Variants in ZNF621 observed in about 807,000 individuals in gnomAD.
ZNF621 encodes the protein zinc finger protein 621.
In ZNF621, 6 loss-of-function variants were observed where a neutral mutation model predicts 12.7. That is an observed-to-expected ratio of 0.47 (90% CI 0.26 to 0.93). The LOEUF is 0.93. ZNF621 is among the 40% of genes least tolerant of loss of function. The pLI, the probability that ZNF621 is intolerant of heterozygous loss-of-function variation, is 0.15. For synonymous variants in ZNF621, 156 were observed against 190.3 expected, an observed-to-expected ratio of 0.82 and a Z score of 1.48; for missense variants, 474 against 524.0, an observed-to-expected ratio of 0.90 and a Z score of 0.93.
In ZNF621 at chr3:40,537,923, C is replaced by T. The variant is rs1698907063; in HGVS notation, c.*4833C>T. 6.6e-6 allele frequency among the ~76,000 whole-genome samples: 1 copy of T among 152,218 alleles called. No homozygotes were observed. Among genetic ancestry groups the T allele is most frequent in the African/African-American group, 2.4e-5 (1 of 41,452 alleles). On this transcript the variant is annotated 3_prime_UTR_variant, in exon 5 of 5. Transcript: ENST00000339296. ...TTTTCAGTGTATTCCAAACAGCCTTCTTTTGGAAGAAGAAACCATCTAGGA... is the reference window on the plus strand; with the variant it reads ...TTTTCAGTGTATTCCAAACAGCCTTTTTTTGGAAGAAGAAACCATCTAGGA...
chr3:40,524,269 G>A (rs1469955545), upstream of ZNF621, among the ~76,000 whole-genome samples: 1 of 152,146 alleles, frequency 6.6e-6, no homozygotes, highest in Non-Finnish European at 1.5e-5. Flanking sequence ...TTACTGAGCA[G>A]AAAAATAGCT....
At position 40,529,433 on chromosome 3, in the gene ZNF621, G is replaced by A. The variant is rs753307486; in HGVS notation, c.139G>A (p.Val47Met). Reference sequence around the variant, plus strand: ...GGTGATGCTGGAGAATTATGCAAATGTGGCTTCTCTGGGTAAGGCCTCCCT... The same window carrying A: ...GGTGATGCTGGAGAATTATGCAAATATGGCTTCTCTGGGTAAGGCCTCCCT... ...GEVMLENYAN[V>M]ASLVAFPFPK... Residue 47 changes from valine to methionine, a missense_variant, in exon 3 of 5, where the codon GTG (valine) becomes ATG (methionine). By Grantham distance (21) the Val-to-Met change is conservative (BLOSUM62 1). Transcript: ENST00000339296. The A allele has an allele frequency of 1.9e-6, 3 of 1,613,262 alleles. No individual in the cohort carries two copies. The highest frequency in any genetic ancestry group is 1.7e-5 in the Admixed American group (1 of 60,002).
Position 40,525,805 on chromosome 3 carries a change from C to T in ZNF621, c.-36C>T. The T allele has an allele frequency of 6.2e-7, 1 of 1,614,138 alleles. No homozygotes were observed. On this transcript the variant is annotated 5_prime_UTR_variant, in exon 2 of 5. Coordinates refer to ENST00000339296, the MANE Select transcript of ZNF621 (RefSeq NM_198484.5). ...TCTTGAGGATCTTGCTTGTCCAAAC[C>T]CAGAAGACAGTGCATGAAGCCAGGG... is the stretch of plus-strand genomic sequence containing the variant.
chr3:40,530,926 A>G lies in ZNF621; in HGVS notation c.259+610A>G, dbSNP rs567485935. On this transcript the variant is annotated intron_variant, in intron 4 of 4. Coordinates refer to ENST00000339296, the MANE Select transcript of ZNF621 (RefSeq NM_198484.5). ...CACATGCACACACGCACATGTGCAC[A>G]CACACACCACCTAAAATTTCCCTGA... Among the ~76,000 whole-genome samples the G allele has an allele frequency of 1.3e-3, 191 of 152,278 alleles. 1 individual carries two copies. Among genetic ancestry groups the G allele is most frequent in the African/African-American group, 4.4e-3 (183 of 41,558 alleles).
chr3:40,531,982 T>C (rs1339510436), intron 4 of ZNF621, 48 bp from the exon 5 acceptor site: 1 of 1,527,796 alleles, frequency 6.5e-7, no homozygotes, highest in Non-Finnish European at 8.8e-7. Context: ...TGGATCCTAC[T>C]TTTCTTCCAG....
rs1559558728 is a variant in ZNF621 at position 40,532,231 on chromosome 3, A to G, written c.461A>G (p.Lys154Arg). Residue 154 changes from lysine to arginine, a missense_variant, in exon 5 of 5, where the codon AAA (lysine) becomes AGA (arginine). By Grantham distance (26) the Lys-to-Arg change is conservative. Coordinates refer to ENST00000339296, the MANE Select transcript of ZNF621 (RefSeq NM_198484.5). ...LRGGMKFYECKECGKIFRYNS... is the reference protein window; with the variant it reads ...LRGGMKFYECRECGKIFRYNS... Reference sequence around the variant, plus strand: ...GGTGGAATGAAGTTCTATGAATGTAAAGAATGTGGGAAAATCTTCCGATAT... The same window carrying G: ...GGTGGAATGAAGTTCTATGAATGTAGAGAATGTGGGAAAATCTTCCGATAT... 2.5e-6 allele frequency: 4 copies of G among 1,614,164 alleles called. No individual in the cohort carries two copies. The highest frequency in any genetic ancestry group is 3.4e-6 in the Non-Finnish European group (4 of 1,180,050).
Position 40,537,733 on chromosome 3 carries a change from G to A in ZNF621, c.*4643G>A. On this transcript the variant is annotated 3_prime_UTR_variant, in exon 5 of 5. Coordinates refer to ENST00000339296, the MANE Select transcript of ZNF621 (RefSeq NM_198484.5). ...CCATTGTATGAAGGCTGAGAGAAGT[G>A]AGGAAGCTGCAGGAAAGTTTGAAGC... 1 of 169,200 alleles carries A rather than the reference G, an allele frequency of 5.9e-6. No homozygotes were observed. The highest frequency in any genetic ancestry group is 1.2e-5 in the Non-Finnish European group (1 of 81,080). The allele number at this position is 169,200 out of a possible 1,614,324, so 10.5% of individuals were successfully genotyped here.
At chr3:40,526,533 GACTAGTATTGTTGCTTTAATAT>G (rs1324702344) in intron 2 of ZNF621, among the ~76,000 whole-genome samples, 6 of 152,182 alleles carry the variant, frequency 3.9e-5, no homozygotes, top group Non-Finnish European at 8.8e-5. Flanking sequence ...ATCCCAGAGA[GACTAGTATTGTTGCTTTAATAT>G]ACATTTTCTA....
intron 4 of ZNF621, among the ~76,000 whole-genome samples, chr3:40,530,815 A>G (rs986918385): frequency 1.3e-5 from 2 of 152,258 alleles, no homozygotes; most frequent in East Asian, 1.9e-4. Flanking sequence ...TCTACATTAT[A>G]TTTACCATAG....
intron 2 of ZNF621, among the ~76,000 whole-genome samples, chr3:40,527,726 G>A (rs943898796): frequency 2.0e-5 from 3 of 152,184 alleles, no homozygotes; most frequent in Non-Finnish European, 4.4e-5. Flanking sequence ...ACAGTAAAAT[G>A]TCAGTGTCTT....
At chr3:40,523,991 G>A (rs1698519778), upstream of ZNF621, among the ~76,000 whole-genome samples, 1 of 152,144 alleles carries the variant, frequency 6.6e-6, no homozygotes, top group Admixed American at 6.5e-5. Context: ...TGTACTGGTT[G>A]ATTTTCAGAG....
rs1246977277 is a variant in ZNF621 at position 40,537,758 on chromosome 3, C to G, written c.*4668C>G. On this transcript the variant is annotated 3_prime_UTR_variant, in exon 5 of 5. Coordinates refer to ENST00000339296, the MANE Select transcript of ZNF621 (RefSeq NM_198484.5). ...GAGGAAGCTGCAGGAAAGTTTGAAG[C>G]TAGCAGAGGTTGGTTCATGAGGTTT... 1.2e-5 allele frequency: 2 copies of G among 171,372 alleles called. No individual in the cohort carries two copies. Among genetic ancestry groups the G allele is most frequent in the African/African-American group, 2.4e-5 (1 of 41,752 alleles). The allele number at this position is 171,372 out of a possible 1,614,324, so 10.6% of individuals were successfully genotyped here.
rs2125682277 is a variant in ZNF621, at chr3:40,538,770, C to T, written c.*5680C>T. ...ACTTGAAAACCTTCTGGAAAGGATT[C>T]ATCATTCTAGATGCCATTAAGGACA... is the stretch of plus-strand genomic sequence containing the variant. On this transcript the variant is annotated 3_prime_UTR_variant, in exon 5 of 5. Transcript: ENST00000339296. The T allele has an allele frequency of 6.6e-6, 1 of 152,524 alleles. No individual in the cohort carries two copies. Among genetic ancestry groups the T allele is most frequent in the African/African-American group, 2.4e-5 (1 of 41,530 alleles). 9.4% of individuals were successfully genotyped at this position (152,524 alleles called of 1,614,324 possible). A position where few individuals can be genotyped will look rare whatever the true frequency, so the allele number is the denominator to read the frequency against.
intron 4 of ZNF621, among the ~76,000 whole-genome samples, chr3:40,531,393 C>A (rs966356445): frequency 6.6e-6 from 1 of 152,062 alleles, no homozygotes; most frequent in Non-Finnish European, 1.5e-5. Context: ...TTCTTATTCT[C>A]TCCTTCTTTT....
intron 4 of ZNF621, among the ~76,000 whole-genome samples, chr3:40,531,705 G>A (rs750660543): frequency 2.0e-5 from 3 of 152,148 alleles, no homozygotes; most frequent in Non-Finnish European, 4.4e-5. Context: ...TAGGACCACA[G>A]GGGTGCGCCA....
intron 2 of ZNF621, 85 bp from the exon 3 acceptor site, chr3:40,529,234 G>A (rs1698659351): frequency 6.6e-7 from 1 of 1,523,136 alleles, no homozygotes; most frequent in Non-Finnish European, 8.9e-7. Context: ...GATGCAGGCA[G>A]GTTTATCCCT....
chr3:40,524,974 TTTAG>T lies in ZNF621; in HGVS notation c.-357_-354del, dbSNP rs1427723001. 6.6e-6 allele frequency: 1 copy of T among 152,242 alleles called. No individual in the cohort carries two copies. The highest frequency in any genetic ancestry group is 1.5e-5 in the Non-Finnish European group (1 of 68,086). 9.4% of individuals were successfully genotyped at this position (152,242 alleles called of 1,614,324 possible). ...GTGCACTCGCCCTTCCGGCTCGGCCTTTAGTTAGTGACCAGCTCCTCGGCGTTCT... is the reference window on the plus strand; with the variant it reads ...GTGCACTCGCCCTTCCGGCTCGGCCTTTAGTGACCAGCTCCTCGGCGTTCT... On this transcript the variant is annotated 5_prime_UTR_variant, in exon 1 of 5. Transcript: ENST00000339296.
chr3:40,530,486 C>T (rs1349453105), intron 4 of ZNF621, among the ~76,000 whole-genome samples, 170 bp downstream of exon 4: 2 of 152,212 alleles, frequency 1.3e-5, no homozygotes, highest in East Asian at 1.9e-4. Flanking sequence ...GAAAGACCAC[C>T]TCTGGGAGTA....
chr3:40,530,077 T>A, intron 3 of ZNF621, 132 bp from the exon 4 acceptor site: 1 of 666,118 alleles, frequency 1.5e-6, no homozygotes, highest in Non-Finnish European at 2.6e-6. Context: ...GACCTCCTTG[T>A]CAGAACTCTC....
Sources: allele counts gnomAD v4.1 joint callset (sites outside exome capture counted in the v4.1 genomes callset), GRCh38; gene constraint gnomAD v4.1.1; transcripts MANE v1.5; gene names NCBI Gene and HGNC (gene_info 2026-07-23, HGNC 2026-07-21).